Variants in MAML2 observed in about 807,000 individuals in gnomAD.
The protein encoded by MAML2 is mastermind-like protein 2.
In MAML2, 22 loss-of-function variants were observed where a neutral mutation model predicts 96.1. The ratio of observed to expected loss-of-function variants is 0.23; its 90% CI spans 0.16 to 0.33. The LOEUF (loss-of-function observed/expected upper bound fraction) is 0.33, where lower values mean the gene tolerates loss of function less well. Among genes scored for constraint, MAML2 ranks in the 10% least tolerant of loss-of-function variants. The probability of loss-of-function intolerance (pLI) is 1.00; values close to 1 mark genes in which losing one functional copy is unlikely to be tolerated. For synonymous variants in MAML2, 561 were observed against 521.3 expected, an observed-to-expected ratio of 1.08 and a Z score of -1.04; for missense variants, 1,367 against 1,392.4, an observed-to-expected ratio of 0.98 and a Z score of 0.29.
chr11:96,075,505 C>G (rs1355756208), intron 2 of MAML2, among the ~76,000 whole-genome samples: 1 of 152,164 alleles, frequency 6.6e-6, no homozygotes, highest in Admixed American at 6.5e-5. Context: ...CCTCCAAGAC[C>G]TAACACAAGC....
At chr11:96,084,976 A>G (rs1273467711) in intron 2 of MAML2, among the ~76,000 whole-genome samples, 1 of 152,242 alleles carries the variant, frequency 6.6e-6, no homozygotes, top group Non-Finnish European at 1.5e-5. Context: ...TTCTTTCATC[A>G]TCGAGGATCT....
intron 2 of MAML2, among the ~76,000 whole-genome samples, chr11:95,998,228 G>GT (rs1343177739): frequency 6.7e-6 from 1 of 149,096 alleles, no homozygotes; most frequent in Non-Finnish European, 1.5e-5. Context: ...CTCCTTACCT[G>GT]TCCATTCTAG....
chr11:96,248,215 C>T (rs778053389), intron 1 of MAML2, among the ~76,000 whole-genome samples: 8 of 150,246 alleles, frequency 5.3e-5, no homozygotes, highest in African/African-American at 9.8e-5. Flanking sequence ...TAGGTTCAAG[C>T]GATTCTCCTA....
chr11:95,979,816 C>G lies in MAML2; in HGVS notation c.2603G>C (p.Gly868Ala). The G allele has an allele frequency of 6.2e-7, 1 of 1,613,854 alleles. No homozygotes were observed. The highest frequency in any genetic ancestry group is 8.5e-7 in the Non-Finnish European group (1 of 1,179,834). ...ATTACAAGGCAGATTTCCATACATC[C>G]CCATATTCTGAACTGCTGTAGATAA... is the stretch of plus-strand genomic sequence containing the variant. Reference protein sequence around the residue: ...PSLSTAVQNMGMYGNLPCNQP... With the variant: ...PSLSTAVQNMAMYGNLPCNQP... The change falls in exon 5 of 5, where the codon GGG becomes GCG. Residue 868 changes from glycine (G) to alanine (A), a missense_variant. Transcript: ENST00000524717.
chr11:96,201,800 T>A (rs927578053), intron 1 of MAML2, among the ~76,000 whole-genome samples: 2 of 151,436 alleles, frequency 1.3e-5, no homozygotes, highest in Non-Finnish European at 2.9e-5. Context: ...GCACCTGTAG[T>A]CCCAGCTACT....
intron 2 of MAML2, among the ~76,000 whole-genome samples, chr11:96,001,907 C>T (rs1858084070): frequency 6.6e-6 from 1 of 152,180 alleles, no homozygotes; most frequent in Non-Finnish European, 1.5e-5. Context: ...ACCCACAGAG[C>T]TCTTTCTCTT....
chr11:96,051,363 T>G lies in MAML2; in HGVS notation c.2139+40529A>C, dbSNP rs1024012058. On this transcript the variant is annotated intron_variant, in intron 2 of 4. Coordinates refer to ENST00000524717, the MANE Select transcript of MAML2 (RefSeq NM_032427.4). ...TATTTATTAAATACCAGATACTTTG[T>G]TAAACCCTTTACATTTAATCTTTAG... Among the ~76,000 whole-genome samples the G allele has an allele frequency of 1.2e-4, 19 of 152,320 alleles. No individual in the cohort carries two copies. The East Asian group carries it at 3.5e-3, about 28-fold the overall frequency.
intron 1 of MAML2, among the ~76,000 whole-genome samples, chr11:96,332,610 C>G (rs1489678499): frequency 1.3e-5 from 2 of 152,194 alleles, no homozygotes; most frequent in South Asian, 4.1e-4. Context: ...TGCACTTTAA[C>G]ACTTCTGCGA....
intron 1 of MAML2, among the ~76,000 whole-genome samples, chr11:96,311,139 G>A (rs1333374652): frequency 1.3e-5 from 2 of 152,188 alleles, no homozygotes; most frequent in Non-Finnish European, 2.9e-5. Flanking sequence ...AGAAAAGACA[G>A]GGCTTAGACT....
chr11:96,042,944 C>T lies in MAML2; in HGVS notation c.2139+48948G>A, dbSNP rs1368648053. 2.6e-5 allele frequency among the ~76,000 whole-genome samples: 4 copies of T among 152,116 alleles called. 1 individual carries two copies. The highest frequency in any genetic ancestry group is 2.6e-4 in the Admixed American group (4 of 15,276). ...TATTTTTAGTAGAGATGGGGTTTCA[C>T]CATGTTGGCCAGGCTGATCTCAAAC... On this transcript the variant is annotated intron_variant, in intron 2 of 4. Coordinates refer to ENST00000524717, the MANE Select transcript of MAML2 (RefSeq NM_032427.4).
chr11:96,062,619 T>C (rs1859181750), intron 2 of MAML2, among the ~76,000 whole-genome samples: 1 of 152,158 alleles, frequency 6.6e-6, no homozygotes, highest in Admixed American at 6.5e-5. Context: ...TGGGAGCACT[T>C]TAAGAGTATG....
At chr11:96,297,249 A>G (rs924778241) in intron 1 of MAML2, among the ~76,000 whole-genome samples, 10 of 152,174 alleles carry the variant, frequency 6.6e-5, no homozygotes, top group Admixed American at 1.3e-4. Context: ...TTTTCCATTT[A>G]AAGTTTTAAA....
chr11:96,001,134 T>C (rs1036072549), intron 2 of MAML2, among the ~76,000 whole-genome samples: 2 of 152,202 alleles, frequency 1.3e-5, no homozygotes, highest in Non-Finnish European at 2.9e-5. Context: ...TCATAGTCAC[T>C]ACAGAGTTTA....
At chr11:96,240,374 C>A (rs1183023102) in intron 1 of MAML2, among the ~76,000 whole-genome samples, 1 of 151,484 alleles carries the variant, frequency 6.6e-6, no homozygotes, top group Non-Finnish European at 1.5e-5. Flanking sequence ...CAAGGTGAAA[C>A]CCCGTCTCTA....
chr11:96,266,367 G>A (rs1255183420), intron 1 of MAML2, among the ~76,000 whole-genome samples: 2 of 152,094 alleles, frequency 1.3e-5, no homozygotes, highest in Non-Finnish European at 2.9e-5. Context: ...TCAGGAGATT[G>A]AGACCATCCT....
chr11:96,249,938 C>A (rs1862559514), intron 1 of MAML2, among the ~76,000 whole-genome samples: 4 of 152,156 alleles, frequency 2.6e-5, no homozygotes, highest in Admixed American at 2.0e-4. Flanking sequence ...ACAAGGTGTT[C>A]CTGCTACCTC....
At chr11:96,266,688 G>T (rs988427693) in intron 1 of MAML2, among the ~76,000 whole-genome samples, 35 of 152,154 alleles carry the variant, frequency 2.3e-4, no homozygotes, top group African/African-American at 8.4e-4. Context: ...GACCACAAAG[G>T]TAGAATCTAA....
At chr11:96,070,032 T>C (rs940567612) in intron 2 of MAML2, among the ~76,000 whole-genome samples, 1 of 147,058 alleles carries the variant, frequency 6.8e-6, no homozygotes, top group Non-Finnish European at 1.5e-5. Context: ...CAAAAATAAA[T>C]AAATAAATAA....
chr11:96,274,631 A>C (rs1862961773), intron 1 of MAML2, among the ~76,000 whole-genome samples: 1 of 100,174 alleles, frequency 1.0e-5, no homozygotes, highest in Admixed American at 8.8e-5. Context: ...AAACCTATTA[A>C]TTAATTAAAC....
Sources: gnomAD v4.1 joint callset for allele counts (sites outside exome capture counted in the v4.1 genomes callset) on GRCh38, gnomAD v4.1.1 for gene constraint, MANE v1.5 for transcripts, NCBI Gene and HGNC (gene_info 2026-07-23, HGNC 2026-07-21) for gene names.